Variants in SGPL1 observed in about 807,000 individuals in gnomAD.
SGPL1 encodes SP-lyase 1.
Under a neutral mutation model 68.9 loss-of-function variants are expected in SGPL1, and 37 were observed. That is an observed-to-expected ratio of 0.54 (90% CI 0.41 to 0.71). SGPL1 has a LOEUF of 0.71. Ranked by LOEUF, SGPL1 falls within the 30% of genes least tolerant of loss-of-function variation. The pLI, the probability that SGPL1 is intolerant of heterozygous loss-of-function variation, is 0.00. For missense variants in SGPL1, 551 were observed against 704.6 expected, an observed-to-expected ratio of 0.78 and a Z score of 2.47; for synonymous variants, 236 against 248.5, an observed-to-expected ratio of 0.95 and a Z score of 0.47.
rs370420155 is a variant in SGPL1, at chr10:70,816,681, A to G, written c.-43-130A>G. On this transcript the variant is annotated intron_variant, in intron 1 of 14. Coordinates refer to ENST00000373202, the MANE Select transcript of SGPL1 (RefSeq NM_003901.4). ...TCTGGGGTGCTAGGGGTGGACTGTG[A>G]TATCTGGGAATGAAATCTGAGCCTT... 34 of 730,426 alleles carry G rather than the reference A, an allele frequency of 4.7e-5. No homozygotes were observed. The South Asian group carries it at 5.2e-4, about 11-fold the overall frequency. The allele number at this position is 730,426 out of a possible 1,614,324, so 45.2% of individuals were successfully genotyped here.
At chr10:70,871,788 A>G in intron 10 of SGPL1, 49 bp from the exon 11 acceptor site, 1 of 1,578,794 alleles carries the variant, frequency 6.3e-7, no homozygotes, top group Non-Finnish European at 8.6e-7. Flanking sequence ...AGTTTTTATT[A>G]TAGGGCTATA....
intron 2 of SGPL1, among the ~76,000 whole-genome samples, chr10:70,829,135 CTGTT>C (rs1445347235): frequency 1.3e-5 from 2 of 152,154 alleles, no homozygotes; most frequent in Admixed American, 6.5e-5. Flanking sequence ...AGTCAACAGT[CTGTT>C]TGGATGACTG....
At position 70,828,795 on chromosome 10, in the gene SGPL1, T is replaced by C. The variant is rs1028186450; in HGVS notation, c.27+11915T>C. On this transcript the variant is annotated intron_variant, in intron 2 of 14. Transcript: ENST00000373202. ...GACCATGTTTTTTGGAGGCTTTCAC[T>C]GAAGCATTTAATTCCATTCTTTTGA... 2.6e-5 allele frequency among the ~76,000 whole-genome samples: 4 copies of C among 152,358 alleles called. No individual in the cohort carries two copies. In the East Asian group the frequency reaches 7.7e-4, roughly 29 times the overall value.
At chr10:70,822,714 T>A (rs921444790) in intron 2 of SGPL1, among the ~76,000 whole-genome samples, 1 of 152,178 alleles carries the variant, frequency 6.6e-6, no homozygotes, top group Non-Finnish European at 1.5e-5. Flanking sequence ...AAGGGACTAT[T>A]TTCAAGGCTG....
chr10:70,825,522 T>TA (rs1845417838), intron 2 of SGPL1, among the ~76,000 whole-genome samples: 1 of 152,178 alleles, frequency 6.6e-6, no homozygotes, highest in Admixed American at 6.5e-5. Context: ...ATATGGATTA[T>TA]AGAAAGGGAA....
intron 5 of SGPL1, 73 bp from the exon 6 acceptor site, chr10:70,857,541 G>T (rs935161792): frequency 1.6e-6 from 2 of 1,258,196 alleles, no homozygotes; most frequent in African/African-American, 2.9e-5. Flanking sequence ...GTTTCTTCCT[G>T]TTTCTTCTTT....
chr10:70,857,714 A>G, intron 6 of SGPL1, 24 bp downstream of exon 6: 1 of 1,557,132 alleles, frequency 6.4e-7, no homozygotes. Flanking sequence ...TCTTGAGGGA[A>G]GCCTGTGAGG....
At chr10:70,827,438 TG>T (rs1353286519) in intron 2 of SGPL1, among the ~76,000 whole-genome samples, 1 of 152,218 alleles carries the variant, frequency 6.6e-6, no homozygotes, top group Non-Finnish European at 1.5e-5. Flanking sequence ...GATTTAAAAT[TG>T]TTACATCTTG....
intron 3 of SGPL1, among the ~76,000 whole-genome samples, chr10:70,844,995 C>G (rs1845769993): frequency 6.6e-6 from 1 of 152,172 alleles, no homozygotes; most frequent in African/African-American, 2.4e-5. Flanking sequence ...ACCTCGGCCT[C>G]CCAAAGTGCT....
chr10:70,853,112 C>T (rs535921945), intron 4 of SGPL1, among the ~76,000 whole-genome samples: 13 of 152,260 alleles, frequency 8.5e-5, no homozygotes, highest in African/African-American at 2.6e-4. Flanking sequence ...TTGCATGAGT[C>T]GCCATTTATG....
At chr10:70,821,525 T>A (rs1203302021) in intron 2 of SGPL1, among the ~76,000 whole-genome samples, 2 of 152,158 alleles carry the variant, frequency 1.3e-5, no homozygotes, top group Non-Finnish European at 1.5e-5. Context: ...CAGTGGTTCT[T>A]GACCAGGGGC....
intron 2 of SGPL1, among the ~76,000 whole-genome samples, chr10:70,822,295 T>C (rs772341693): frequency 2.6e-4 from 40 of 152,190 alleles, no homozygotes; most frequent in Non-Finnish European, 4.4e-4. Context: ...GTGTTATAGA[T>C]GAAACAGAGC....
intron 5 of SGPL1, 126 bp from the exon 6 acceptor site, chr10:70,857,488 G>C: frequency 1.4e-6 from 1 of 693,198 alleles, no homozygotes; most frequent in East Asian, 2.8e-5. Flanking sequence ...TAAGAATGCT[G>C]TTGGGTTTCC....
intron 2 of SGPL1, among the ~76,000 whole-genome samples, chr10:70,824,959 G>A (rs1340257652): frequency 9.0e-6 from 1 of 111,602 alleles, no homozygotes; most frequent in African/African-American, 3.4e-5. Flanking sequence ...TTCTGACGTT[G>A]TTTTTTCTCT....
intron 2 of SGPL1, among the ~76,000 whole-genome samples, chr10:70,828,466 T>G (rs911930607): frequency 6.6e-6 from 1 of 152,182 alleles, no homozygotes; most frequent in Non-Finnish European, 1.5e-5. Flanking sequence ...GTGCTGCGAT[T>G]ATGGGTGTGA....
At chr10:70,876,238 T>C (rs1011916455) in intron 13 of SGPL1, among the ~76,000 whole-genome samples, 1 of 152,154 alleles carries the variant, frequency 6.6e-6, no homozygotes, top group African/African-American at 2.4e-5. Context: ...GTCTCATTGA[T>C]GGTGACGTGG....
chr10:70,877,430 TC>T lies in SGPL1; in HGVS notation c.*97del. 1 of 1,242,846 alleles carries T rather than the reference TC, an allele frequency of 8.0e-7. No homozygotes were observed. The highest frequency in any genetic ancestry group is 1.2e-6 in the Non-Finnish European group (1 of 856,220). The allele number at this position is 1,242,846 out of a possible 1,614,324, so 77.0% of individuals were successfully genotyped here. A position where few individuals can be genotyped will look rare whatever the true frequency, so the allele number is the denominator to read the frequency against. On this transcript the variant is annotated 3_prime_UTR_variant, in exon 15 of 15. Transcript: ENST00000373202. ...GCACAACTTTGACATCTGGTCTTGC[TC>T]CATAGAGCACAACTCAAGATAGACC...
intron 12 of SGPL1, among the ~76,000 whole-genome samples, chr10:70,874,871 C>T: frequency 6.6e-6 from 1 of 152,178 alleles, no homozygotes; most frequent in East Asian, 1.9e-4. Flanking sequence ...CACCACTGCA[C>T]TCTAGCCTGG....
intron 3 of SGPL1, among the ~76,000 whole-genome samples, chr10:70,846,510 A>G (rs1003283751): frequency 6.6e-6 from 1 of 152,206 alleles, no homozygotes; most frequent in Non-Finnish European, 1.5e-5. Context: ...CGTTCACATT[A>G]TTGTACAGGC....
Sources: gnomAD v4.1 joint callset for allele counts (sites outside exome capture counted in the v4.1 genomes callset) on GRCh38, gnomAD v4.1.1 for gene constraint, MANE v1.5 for transcripts, NCBI Gene and HGNC (gene_info 2026-07-23, HGNC 2026-07-21) for gene names.